The following TJP1 variants were observed in gnomAD, a reference collection of about 807,000 sequenced individuals.
TJP1 encodes the protein tight junction protein ZO-1.
A neutral mutation model predicts 194.2 loss-of-function variants in TJP1; 43 were observed. That is an observed-to-expected ratio of 0.22 (90% CI 0.17 to 0.29). TJP1 has a LOEUF of 0.29. TJP1 is among the 10% of genes least tolerant of loss of function. The pLI is 1.00. For synonymous variants in TJP1, 801 were observed against 779.0 expected, an observed-to-expected ratio of 1.03 and a Z score of -0.47; for missense variants, 1,971 against 2,185.7, an observed-to-expected ratio of 0.90 and a Z score of 1.96.
intron 1 of TJP1, among the ~76,000 whole-genome samples, chr15:29,961,334 C>CTTTTTTTTTTTTTTTTTTTT (rs5811594): frequency 2.2e-5 from 2 of 89,818 alleles, no homozygotes; most frequent in Non-Finnish European, 3.9e-5. Flanking sequence ...TTTCCTAATT[C>CTTTTTTTTTTTTTTTTTTTT]TTTTTTTTTT....
intron 2 of TJP1, among the ~76,000 whole-genome samples, chr15:29,779,113 G>A (rs1367258935): frequency 3.3e-5 from 5 of 152,150 alleles, no homozygotes; most frequent in African/African-American, 1.2e-4. Context: ...GGTCACTACA[G>A]TAACGGTTGC....
At chr15:29,805,654 TA>T in intron 1 of TJP1, among the ~76,000 whole-genome samples, 1 of 152,130 alleles carries the variant, frequency 6.6e-6, no homozygotes, top group Non-Finnish European at 1.5e-5. Context: ...AAATGGTATT[TA>T]GGTTGGTGCA....
At chr15:29,906,720 C>G (rs1427871358) in intron 2 of TJP1, among the ~76,000 whole-genome samples, 1 of 151,602 alleles carries the variant, frequency 6.6e-6, no homozygotes, top group East Asian at 2.0e-4. Flanking sequence ...GCTGGGACCA[C>G]AGGTGTGTAT....
At chr15:29,798,310 C>T (rs757373060) in intron 2 of TJP1, among the ~76,000 whole-genome samples, 12 of 149,682 alleles carry the variant, frequency 8.0e-5, no homozygotes, top group South Asian at 2.1e-4. Flanking sequence ...TCTGACAATA[C>T]GGATTGAGTA....
rs377677622 is a variant in TJP1 at position 29,734,595 on chromosome 15, T to C, written c.1408-213A>G. Among the ~76,000 whole-genome samples, 112 of 152,008 alleles carry C rather than the reference T, an allele frequency of 7.4e-4. 3 individuals carry two copies. In the South Asian group the frequency reaches 0.022, roughly 30 times the overall value. ...ACCTCCCAGGTTCAAGTGATTCTCC[T>C]GCCTCAGCCTCCCGAGTAGCTGGGA... On this transcript the variant is annotated intron_variant, in intron 11 of 27. Coordinates refer to ENST00000614355, the MANE Select transcript of TJP1 (RefSeq NM_001330239.4).
At chr15:29,907,134 G>A (rs566107934) in intron 2 of TJP1, among the ~76,000 whole-genome samples, 1 of 152,140 alleles carries the variant, frequency 6.6e-6, no homozygotes, top group African/African-American at 2.4e-5. Context: ...AAAAGGCCAG[G>A]TACGGTGGCT....
At chr15:29,826,396 G>T (rs1440096338), upstream of TJP1, among the ~76,000 whole-genome samples, 1 of 151,728 alleles carries the variant, frequency 6.6e-6, no homozygotes, top group Admixed American at 6.6e-5. Context: ...TTAGCGGTTT[G>T]TCCTCCATTC....
intron 23 of TJP1, among the ~76,000 whole-genome samples, chr15:29,711,567 C>T (rs1235992378): frequency 1.3e-5 from 2 of 152,070 alleles, no homozygotes; most frequent in Admixed American, 6.6e-5. Flanking sequence ...CGTTTCACCA[C>T]GTTGTCCAGG....
At chr15:29,887,789 A>G (rs2053170090) in intron 2 of TJP1, among the ~76,000 whole-genome samples, 2 of 152,260 alleles carry the variant, frequency 1.3e-5, no homozygotes, top group Non-Finnish European at 2.9e-5. Flanking sequence ...AAAGGTCATC[A>G]TCAAAAGACT....
intron 16 of TJP1, among the ~76,000 whole-genome samples, chr15:29,727,202 G>A (rs949767160): frequency 2.0e-5 from 3 of 152,092 alleles, no homozygotes; most frequent in African/African-American, 7.2e-5. Flanking sequence ...AAACTAGCCA[G>A]GCATGGTGGT....
At chr15:29,903,921 G>A (rs2053719310) in intron 2 of TJP1, among the ~76,000 whole-genome samples, 1 of 152,162 alleles carries the variant, frequency 6.6e-6, no homozygotes, top group East Asian at 1.9e-4. Flanking sequence ...GCAACCTGAA[G>A]GCAAAATATC....
chr15:29,720,978 A>G (rs2042894657), intron 18 of TJP1, among the ~76,000 whole-genome samples: 1 of 152,194 alleles, frequency 6.6e-6, no homozygotes, highest in African/African-American at 2.4e-5. Context: ...CTGGAAGACA[A>G]CGAAGAAACT....
intron 2 of TJP1, among the ~76,000 whole-genome samples, chr15:29,782,823 T>C (rs1286426538): frequency 7.6e-6 from 1 of 132,026 alleles, no homozygotes; most frequent in African/African-American, 2.9e-5. Context: ...ATCCATCATC[T>C]ATACACAATT....
At chr15:29,736,858 A>T (rs2044065509) in intron 11 of TJP1, among the ~76,000 whole-genome samples, 1 of 152,224 alleles carries the variant, frequency 6.6e-6, no homozygotes, top group South Asian at 2.1e-4. Context: ...AAGATGACTC[A>T]TATGGGAGAG....
intron 2 of TJP1, among the ~76,000 whole-genome samples, chr15:29,792,384 T>C (rs925851738): frequency 1.3e-5 from 2 of 152,204 alleles, no homozygotes; most frequent in Non-Finnish European, 1.5e-5. Flanking sequence ...CTTAGTGGCT[T>C]TGTTGAAAAT....
intron 1 of TJP1, among the ~76,000 whole-genome samples, chr15:29,819,865 T>C (rs931137999): frequency 2.0e-5 from 3 of 152,252 alleles, no homozygotes; most frequent in African/African-American, 7.2e-5. Flanking sequence ...TTTAGTAGTA[T>C]ATATCAGAAT....
intron 1 of TJP1, among the ~76,000 whole-genome samples, chr15:29,801,652 GGGGTTTCACCGTTTTA>G (rs943737962): frequency 2.6e-5 from 4 of 151,072 alleles, no homozygotes; most frequent in Admixed American, 2.0e-4. Flanking sequence ...TAGTACAGAC[GGGGTTTCACCGTTTTA>G]GCCGGGATGG....
intron 2 of TJP1, among the ~76,000 whole-genome samples, chr15:29,949,549 CACA>C (rs1450819709): frequency 9.1e-5 from 13 of 142,256 alleles, no homozygotes; most frequent in Non-Finnish European, 1.4e-4. Context: ...CCACCACCTC[CACA>C]ACCACCACCT....
chr15:29,701,596 T>G lies in TJP1; in HGVS notation c.5306A>C (p.Ter1769SerextTer14). Residue 1769 changes from the stop codon to serine (S), a stop_lost, in exon 28 of 28, where the codon TAA becomes TCA. Coordinates refer to ENST00000614355, the MANE Select transcript of TJP1 (RefSeq NM_001330239.4). ...ATTTAAGTTCCTATATTTCAAGAGT[T>G]AAAAGTGGTCAATAAGGACAGAAAC... is the stretch of plus-strand genomic sequence containing the variant. ...NCVSVLIDHF[*>S] The G allele has an allele frequency of 6.2e-7, 1 of 1,611,854 alleles. No homozygotes were observed. The highest frequency in any genetic ancestry group is 8.5e-7 in the Non-Finnish European group (1 of 1,177,962).
Sources: gnomAD v4.1 joint callset for allele counts (sites outside exome capture counted in the v4.1 genomes callset) on GRCh38, gnomAD v4.1.1 for gene constraint, MANE v1.5 for transcripts, NCBI Gene and HGNC (gene_info 2026-07-23, HGNC 2026-07-21) for gene names.